The following APPL2 variants were observed in gnomAD, a reference collection of about 807,000 sequenced individuals.
APPL2 encodes DCC-interacting protein 13-beta.
Under a neutral mutation model 92.7 loss-of-function variants are expected in APPL2, and 84 were observed. The observed-to-expected ratio is 0.91, with a 90% confidence interval of 0.76 to 1.09. The LOEUF is 1.09. Among genes scored for constraint, APPL2 ranks in the 50% least tolerant of loss-of-function variants. The pLI, the probability that APPL2 is intolerant of heterozygous loss-of-function variation, is 0.00. For synonymous variants in APPL2, 291 were observed against 291.0 expected (o/e 1.00, Z 0.00); for missense variants, 736 against 824.5 (o/e 0.89, Z 1.31).
intron 2 of APPL2, among the ~76,000 whole-genome samples, chr12:105,220,003 A>G (rs551871167): frequency 6.6e-6 from 1 of 152,362 alleles, no homozygotes; most frequent in Admixed American, 6.5e-5. Context: ...GACCTCATCT[A>G]ATTCCAATGA....
intron 9 of APPL2, chr12:105,203,501 C>T (rs1888403958): frequency 1.8e-6 from 1 of 555,742 alleles, no homozygotes; most frequent in Admixed American, 3.3e-5. Context: ...AACAAGAGAT[C>T]TGGAGAAAAC....
At position 105,197,731 on chromosome 12, in the gene APPL2, C is replaced by T. The variant is rs369261421; in HGVS notation, c.1052+34G>A. On this transcript the variant is annotated intron_variant, in intron 11 of 20. Transcript: ENST00000258530. ...TTGGAACGGGTGGAACCACTATACT[C>T]ATTCTCCTCCCAAATAAAACGCGTG... The T allele has an allele frequency of 1.7e-5, 27 of 1,613,132 alleles. No individual in the cohort carries two copies. In the African/African-American group the frequency reaches 3.5e-4, roughly 21 times the overall value.
rs527670110 is a variant in APPL2, at chr12:105,192,372, T to A, written c.1242-2217A>T. 2.6e-5 allele frequency among the ~76,000 whole-genome samples: 4 copies of A among 152,132 alleles called. No homozygotes were observed. The South Asian group carries it at 8.3e-4, about 32-fold the overall frequency. On this transcript the variant is annotated intron_variant, in intron 14 of 20. Transcript: ENST00000258530. ...CTAACTAACTTTGGAAAATGGAGAGTGGGTATCTCTGTCTCCATCACAAAC... is the reference window on the plus strand; with the variant it reads ...CTAACTAACTTTGGAAAATGGAGAGAGGGTATCTCTGTCTCCATCACAAAC...
Position 105,174,876 on chromosome 12 carries a change from T to TGGTGGG in APPL2, c.1861-429_1861-428insCCCACC, listed in dbSNP as rs796727681. ...CCATGCTGCTGCTGCTTTTTTTTGG[T>TGGTGGG]GGGGGGGGGGGTGGTGCGGCGGTTG... is the stretch of plus-strand genomic sequence containing the variant. On this transcript the variant is annotated intron_variant, in intron 20 of 20. Coordinates refer to ENST00000258530, the MANE Select transcript of APPL2 (RefSeq NM_018171.5). Among the ~76,000 whole-genome samples the TGGTGGG allele has an allele frequency of 6.7e-5, 6 of 89,020 alleles. No individual in the cohort carries two copies. The East Asian group carries it at 1.9e-3, about 28-fold the overall frequency. The allele number at this position is 89,020 out of a possible 152,430, so 58.4% of individuals were successfully genotyped here. A position where few individuals can be genotyped will look rare whatever the true frequency, so the allele number is the denominator to read the frequency against.
intron 2 of APPL2, among the ~76,000 whole-genome samples, chr12:105,223,056 G>A (rs1890227640): frequency 6.6e-6 from 1 of 152,232 alleles, no homozygotes; most frequent in Non-Finnish European, 1.5e-5. Context: ...TGCAGCTCAT[G>A]AAGGATTTAG....
intron 1 of APPL2, among the ~76,000 whole-genome samples, chr12:105,234,205 T>C (rs1405161699): frequency 6.6e-6 from 1 of 152,234 alleles, no homozygotes; most frequent in Non-Finnish European, 1.5e-5. Context: ...AAACCTCCTC[T>C]GCCACATACA....
At chr12:105,207,912 G>A (rs2136008865) in intron 7 of APPL2, 59 bp downstream of exon 7, 1 of 1,451,062 alleles carries the variant, frequency 6.9e-7, no homozygotes, top group Non-Finnish European at 9.7e-7. Context: ...TTCACAAGAG[G>A]AAGGCATGAA....
At chr12:105,233,033 A>C (rs1891033309) in intron 1 of APPL2, 1 of 929,664 alleles carries the variant, frequency 1.1e-6, no homozygotes, top group Admixed American at 6.2e-5. Context: ...AACAAAACAC[A>C]AACCGAGCAA....
chr12:105,233,879 T>TAA (rs975741189), intron 1 of APPL2, among the ~76,000 whole-genome samples: 7 of 152,236 alleles, frequency 4.6e-5, no homozygotes, highest in African/African-American at 1.7e-4. Flanking sequence ...CCCTGGCACA[T>TAA]AAAATCCATG....
intron 17 of APPL2, among the ~76,000 whole-genome samples, chr12:105,180,974 C>T (rs1343390304): frequency 6.6e-6 from 1 of 152,096 alleles, no homozygotes; most frequent in Non-Finnish European, 1.5e-5. Context: ...GCCTGACTGC[C>T]CTGGCCAGAA....
chr12:105,183,587 C>A (rs1886326563), intron 17 of APPL2, among the ~76,000 whole-genome samples: 2 of 152,150 alleles, frequency 1.3e-5, no homozygotes, highest in Admixed American at 1.3e-4. Flanking sequence ...TGTGTGCCCC[C>A]ACTCTTTTCT....
chr12:105,189,886 T>G, intron 15 of APPL2, 62 bp from the exon 16 acceptor site: 12 of 1,611,820 alleles, frequency 7.4e-6, no homozygotes, highest in Non-Finnish European at 1.0e-5. Context: ...ACTTAACACT[T>G]GAACTGGAAA....
At chr12:105,235,794 G>GCCCGC (rs994964730) in intron 1 of APPL2, among the ~76,000 whole-genome samples, 165 bp downstream of exon 1, 51 of 152,030 alleles carry the variant, frequency 3.4e-4, no homozygotes, top group African/African-American at 1.2e-3. Flanking sequence ...TCAGGGCCCG[G>GCCCGC]CCCGCCCCCT....
chr12:105,196,538 C>T (rs1410976694), intron 11 of APPL2, among the ~76,000 whole-genome samples: 3 of 145,112 alleles, frequency 2.1e-5, no homozygotes, highest in East Asian at 2.1e-4. Context: ...CAGGTTCAAG[C>T]GATTCTCCTG....
chr12:105,199,995 T>G (rs1196747), intron 9 of APPL2, among the ~76,000 whole-genome samples: 123,838 of 147,480 alleles, frequency 0.84, 51,588 homozygotes, highest in East Asian at 0.99. Flanking sequence ...ATTTTGTTTT[T>G]TTTTTTTTTT....
In APPL2 at chr12:105,195,290, A is replaced by G; in HGVS notation, c.1212T>C (p.Phe404=). The change falls in exon 14 of 21, where the codon TTT becomes TTC. Residue 404 remains phenylalanine, a synonymous_variant. Transcript: ENST00000258530. ...GGCATGAGCTTTCTTGTTTTTTTCC[A>G]AAACTTGTAATGGGAGTCACTGCTT... is the stretch of plus-strand genomic sequence containing the variant. ...ALQAVTPITS[F]GKKQESSCPS... is the part of the protein sequence containing the mutation. The G allele has an allele frequency of 6.2e-7, 1 of 1,614,148 alleles. No individual in the cohort carries two copies. Among genetic ancestry groups the G allele is most frequent in the Admixed American group, 1.7e-5 (1 of 60,016 alleles).
chr12:105,235,897 G>A, intron 1 of APPL2, 62 bp downstream of exon 1: 3 of 1,205,368 alleles, frequency 2.5e-6, no homozygotes, highest in Non-Finnish European at 3.1e-6. Flanking sequence ...CCACTCCGGG[G>A]CTGGAGGGGC....
At chr12:105,209,050 TC>T (rs1172941101) in intron 5 of APPL2, among the ~76,000 whole-genome samples, 1 of 152,062 alleles carries the variant, frequency 6.6e-6, no homozygotes, top group Non-Finnish European at 1.5e-5. Context: ...TTCTGCCCTT[TC>T]CTGCTTGCAT....
chr12:105,202,815 T>C (rs1178613170), intron 9 of APPL2, among the ~76,000 whole-genome samples: 3 of 152,176 alleles, frequency 2.0e-5, no homozygotes, highest in Non-Finnish European at 4.4e-5. Flanking sequence ...GTCTCAATGC[T>C]CAGCACTGGT....
Sources: gnomAD v4.1 joint callset for allele counts (sites outside exome capture counted in the v4.1 genomes callset) on GRCh38, gnomAD v4.1.1 for gene constraint, MANE v1.5 for transcripts, NCBI Gene and HGNC (gene_info 2026-07-23, HGNC 2026-07-21) for gene names.